Variants in PCNX3 observed in about 807,000 individuals in gnomAD.
PCNX3 encodes pecanex 3.
In PCNX3, 58 loss-of-function variants were observed where a neutral mutation model predicts 207.2. That is an observed-to-expected ratio of 0.28 (90% confidence interval 0.23 to 0.35). PCNX3 has a LOEUF of 0.35. Ranked by LOEUF, PCNX3 falls within the 10% of genes least tolerant of loss-of-function variation. PCNX3 has a pLI of 1.00. For missense variants in PCNX3, 2,410 were observed against 2,774.4 expected, an observed-to-expected ratio of 0.87 and a Z score of 2.95; for synonymous variants, 1,337 against 1,183.5, an observed-to-expected ratio of 1.13 and a Z score of -2.66.
At chr11:65,626,309 A>C (rs1057154961) in intron 20 of PCNX3, 2 of 659,562 alleles carry the variant, frequency 3.0e-6, no homozygotes, top group Non-Finnish European at 5.6e-6. Flanking sequence ...GTCTGTGAGA[A>C]GACGGAAGAA....
intron 15 of PCNX3, 40 bp downstream of exon 15, chr11:65,624,621 G>A: frequency 6.7e-7 from 1 of 1,501,882 alleles, no homozygotes; most frequent in Non-Finnish European, 9.1e-7. Flanking sequence ...GGGCCCGTGT[G>A]GAGGCCCAGG....
rs756928294 is a variant in PCNX3, at chr11:65,619,874, G to C, written c.1950G>C (p.Glu650Asp). The C allele has an allele frequency of 1.6e-5, 25 of 1,611,476 alleles. No homozygotes were observed. In the East Asian group the frequency reaches 2.0e-4, roughly 13 times the overall value. The stretch of plus-strand genomic sequence containing the variant: ...CCCGGGCCGGTGCCAATGTGCATGA[G>C]GCCTGCACCTTTGATGACACTTCTG... ...LLTRAGANVHEACTFDDTSEG... is the reference protein window; with the variant it reads ...LLTRAGANVHDACTFDDTSEG... Residue 650 changes from glutamate (E) to aspartate (D), a missense_variant, in exon 8 of 35, where the codon GAG (glutamate) becomes GAC (aspartate). Glu to Asp is a conservative substitution (Grantham distance 45). Transcript: ENST00000355703.
chr11:65,617,178 G>A, intron 2 of PCNX3, 72 bp from the exon 3 acceptor site: 1 of 1,460,808 alleles, frequency 6.8e-7, no homozygotes, highest in South Asian at 1.2e-5. Flanking sequence ...AAGAAGCAGT[G>A]ACAAAGATGG....
At chr11:65,624,626 C>T (rs1181918840) in intron 15 of PCNX3, 45 bp downstream of exon 15, 3 of 1,483,766 alleles carry the variant, frequency 2.0e-6, no homozygotes, top group Non-Finnish European at 2.8e-6. Flanking sequence ...CGTGTGGAGG[C>T]CCAGGAGGGC....
intron 26 of PCNX3, 63 bp downstream of exon 26, chr11:65,629,798 T>C: frequency 1.3e-6 from 2 of 1,507,214 alleles, no homozygotes; most frequent in Non-Finnish European, 1.8e-6. Flanking sequence ...GGAGCTGTGT[T>C]CAATAGCACG....
At position 65,628,895 on chromosome 11, in the gene PCNX3, C is replaced by G. The variant is rs771032382; in HGVS notation, c.3888C>G (p.Ala1296=). The change falls in exon 24 of 35, where the codon GCC becomes GCG. Residue 1296 remains alanine, a synonymous_variant. Transcript: ENST00000355703. ...STPLNPLLGS[A]VFIMSYARPL... ...CTCTCAACCCACTGCTAGGCAGTGC[C>G]GTCTTCATCATGTCCTACGCTCGGC... The G allele has an allele frequency of 5.0e-6, 8 of 1,612,706 alleles. No homozygotes were observed. The highest frequency in any genetic ancestry group is 6.8e-6 in the Non-Finnish European group (8 of 1,179,828).
rs911915767 is a variant in PCNX3 at position 65,627,068 on chromosome 11, C to G, written c.3524+20C>G. 2.7e-6 allele frequency: 4 copies of G among 1,471,452 alleles called. No homozygotes were observed. The African/African-American group carries it at 5.7e-5, about 21-fold the overall frequency. The allele number at this position is 1,471,452 out of a possible 1,614,324, so 91.1% of individuals were successfully genotyped here. A position where few individuals can be genotyped will look rare whatever the true frequency, so the allele number is the denominator to read the frequency against. ...CTTCTAGTGAGGACCACCCCACCCT[C>G]AACGATCCCATCATCCGCTTTCCCT... On this transcript the variant is annotated intron_variant, in intron 21 of 34. Transcript: ENST00000355703.
rs1002200087 is a variant in PCNX3 at position 65,628,857 on chromosome 11, C to T, written c.3850C>T (p.Leu1284Phe). ...MLFVQALLSG[L>F]FSTPLNPLLG... is the part of the protein sequence containing the mutation. ...GTTCGTCCAGGCCCTGCTCTCGGGG[C>T]TCTTCTCCACGCCTCTCAACCCACT... is the stretch of plus-strand genomic sequence containing the variant. Residue 1284 changes from leucine (L) to phenylalanine (F), a missense_variant, in exon 24 of 35, where the codon CTC becomes TTC. Physicochemically the swap from Leu to Phe is conservative, Grantham distance 22. Coordinates refer to ENST00000355703, the MANE Select transcript of PCNX3 (RefSeq NM_032223.4). 2.2e-5 allele frequency: 36 copies of T among 1,612,414 alleles called. 1 individual carries two copies. Among genetic ancestry groups the T allele is most frequent in the Admixed American group, 6.7e-5 (4 of 59,978 alleles).
rs746527604 is a variant in PCNX3, at chr11:65,616,846, T to C, written c.176T>C (p.Val59Ala). ...LYMVLPPSLMVAGVYCLVVAV... is the reference protein window; with the variant it reads ...LYMVLPPSLMAAGVYCLVVAV... ...CAGGTCCTGCCTCCCAGCTTGATGG[T>C]GGCCGGCGTGTACTGCCTCGTGGTG... is the stretch of plus-strand genomic sequence containing the variant. The change falls in exon 2 of 35, where the codon GTG becomes GCG. Residue 59 changes from valine to alanine, a missense_variant. Around this residue, in one of 8 missense-constraint regions of PCNX3, gnomAD observed 1,104 missense variants for 970.3 expected, o/e 1.14. Coordinates refer to ENST00000355703, the MANE Select transcript of PCNX3 (RefSeq NM_032223.4). The C allele has an allele frequency of 3.1e-6, 5 of 1,612,872 alleles. No homozygotes were observed. Among genetic ancestry groups the C allele is most frequent in the African/African-American group, 2.7e-5 (2 of 74,928 alleles).
rs575847468 is a variant in PCNX3 at position 65,627,088 on chromosome 11, T to C, written c.3524+40T>C. ...ACCCTCAACGATCCCATCATCCGCT[T>C]TCCCTTTTGATCCGTGGGGAAACTG... On this transcript the variant is annotated intron_variant, in intron 21 of 34. Coordinates refer to ENST00000355703, the MANE Select transcript of PCNX3 (RefSeq NM_032223.4). 2.1e-5 allele frequency: 31 copies of C among 1,461,848 alleles called. No individual in the cohort carries two copies. In the East Asian group the frequency reaches 6.8e-4, roughly 32 times the overall value. 90.6% of individuals were successfully genotyped at this position (1,461,848 alleles called of 1,614,324 possible). A position where few individuals can be genotyped will look rare whatever the true frequency, so the allele number is the denominator to read the frequency against.
chr11:65,628,265 C>T (rs1050671952), intron 22 of PCNX3, among the ~76,000 whole-genome samples: 5 of 152,216 alleles, frequency 3.3e-5, no homozygotes, highest in African/African-American at 4.8e-5. Flanking sequence ...GACCTAGTGG[C>T]GTGACCTGAG....
Position 65,630,575 on chromosome 11 carries a change from C to T in PCNX3, c.4441C>T (p.Arg1481Cys). ...AASMLQVFDL[R>C]KILITYYVKS... ...CTCCATGCTGCAGGTTTTCGACCTC[C>T]GCAAGATCCTCATCACCTACTATGT... The change falls in exon 27 of 35, where the codon CGC (arginine) becomes TGC (cysteine). Residue 1481 changes from arginine (R) to cysteine (C), a missense_variant. By Grantham distance (180) the Arg-to-Cys change is radical. This residue lies in a region of PCNX3 where 420 missense variants were observed against 705.3 expected (regional missense o/e 0.60). Coordinates refer to ENST00000355703, the MANE Select transcript of PCNX3 (RefSeq NM_032223.4). 3 of 1,612,404 alleles carry T rather than the reference C, an allele frequency of 1.9e-6. No homozygotes were observed. Among genetic ancestry groups the T allele is most frequent in the Non-Finnish European group, 2.5e-6 (3 of 1,178,990 alleles).
chr11:65,637,200 A>T lies in PCNX3; in HGVS notation c.*222A>T. The T allele has an allele frequency of 1.7e-6, 1 of 580,628 alleles. No individual in the cohort carries two copies. Among genetic ancestry groups the T allele is most frequent in the Non-Finnish European group, 3.0e-6 (1 of 329,738 alleles). The allele number at this position is 580,628 out of a possible 1,614,324, so 36.0% of individuals were successfully genotyped here. The stretch of plus-strand genomic sequence containing the variant: ...GGGCCTGGGCTCCCCAGATGGAGGC[A>T]GTCAGCCTCCCAGCCAGGCCCTAAG... On this transcript the variant is annotated 3_prime_UTR_variant, in exon 35 of 35. Transcript: ENST00000355703.
Position 65,625,717 on chromosome 11 carries a change from C to T in PCNX3, c.3201C>T (p.Ser1067=), listed in dbSNP as rs372056156. ...VVIAVLTFAI[S]ASTVFIALKS... ...TCGCCGTGCTCACCTTCGCCATCAG[C>T]GCCAGCACCGTCTTTATTGCCCTGA... Residue 1067 remains serine (S), a synonymous_variant, in exon 19 of 35, where the codon AGC becomes AGT. Transcript: ENST00000355703. This position sits in a 1 kb window ranked among gnomAD's most constrained non-coding sequence, Gnocchi z 5.6. The T allele has an allele frequency of 3.7e-4, 591 of 1,610,898 alleles. No individual in the cohort carries two copies. The highest frequency in any genetic ancestry group is 4.8e-4 in the Non-Finnish European group (563 of 1,179,720).
intron 21 of PCNX3, 85 bp from the exon 22 acceptor site, chr11:65,627,320 C>T (rs950509032): frequency 1.1e-4 from 152 of 1,428,190 alleles, no homozygotes; most frequent in Middle Eastern, 4.7e-4. Context: ...GGTTGCTCTC[C>T]GGCCAGAGTA....
chr11:65,618,554 C>T lies in PCNX3; in HGVS notation c.1192C>T (p.Leu398=). ...LLRPSKRQPP[L]RRHSPPGRAP... ...ACGGCCTAGCAAACGGCAGCCACCC[C>T]TGCGAAGACACTCTCCACCTGGCCG... is the stretch of plus-strand genomic sequence containing the variant. The change falls in exon 6 of 35, where the codon CTG becomes TTG. Residue 398 remains leucine, a synonymous_variant. Coordinates refer to ENST00000355703, the MANE Select transcript of PCNX3 (RefSeq NM_032223.4). The T allele has an allele frequency of 6.2e-7, 1 of 1,611,596 alleles. No homozygotes were observed. The highest frequency in any genetic ancestry group is 8.5e-7 in the Non-Finnish European group (1 of 1,179,470).
chr11:65,619,168 C>T, intron 6 of PCNX3, 101 bp downstream of exon 6: 2 of 1,015,982 alleles, frequency 2.0e-6, no homozygotes. Flanking sequence ...GTCAGCTCAG[C>T]CTCGGTTGTA....
chr11:65,634,177 C>G lies in PCNX3; in HGVS notation c.4522C>G (p.His1508Asp). The change falls in exon 28 of 35, where the codon CAT (histidine) becomes GAT (aspartate). Residue 1508 changes from histidine to aspartate, a missense_variant. By Grantham distance (81) the His-to-Asp change is moderately conservative. This residue lies in a region of PCNX3 where 420 missense variants were observed against 705.3 expected (regional missense o/e 0.60). Transcript: ENST00000355703. ...RSPKLEVWLS[H>D]EGITAALRPV... ...ACCAAAGCTGGAGGTGTGGCTCAGC[C>G]ATGAGGGCATCACGGCAGCCCTGAG... 1.9e-6 allele frequency: 3 copies of G among 1,613,574 alleles called. No homozygotes were observed. The highest frequency in any genetic ancestry group is 2.5e-6 in the Non-Finnish European group (3 of 1,179,858).
Position 65,625,542 on chromosome 11 carries a change from AG to A in PCNX3, c.3135+34del, listed in dbSNP as rs1177179186. On this transcript the variant is annotated intron_variant, in intron 18 of 34. Transcript: ENST00000355703. This position sits in a 1 kb window ranked among gnomAD's most constrained non-coding sequence, Gnocchi z 5.6. ...GGGCGGGGGGTGGGGGTCTGTGGGG[AG>A]GTGGTGACAGGTCCTGGGGTTCCTG... is the stretch of plus-strand genomic sequence containing the variant. 5.8e-6 allele frequency: 9 copies of A among 1,563,224 alleles called. No individual in the cohort carries two copies. Among genetic ancestry groups the A allele is most frequent in the Non-Finnish European group, 7.8e-6 (9 of 1,153,792 alleles).
Sources: allele counts gnomAD v4.1 joint callset (sites outside exome capture counted in the v4.1 genomes callset), GRCh38; gene constraint gnomAD v4.1.1; regional missense constraint gnomAD v4.1.1; non-coding constraint Gnocchi (gnomAD v3.1); transcripts MANE v1.5; gene names NCBI Gene and HGNC (gene_info 2026-07-23, HGNC 2026-07-21).